The following ELP3 variants were observed in gnomAD, a reference collection of about 807,000 sequenced individuals.
ELP3 encodes elongator acetyltransferase complex subunit 3.
ELP3 carries 56 observed loss-of-function variants against 74.9 expected under a neutral mutation model. The ratio of observed to expected loss-of-function variants is 0.75; its 90% CI spans 0.60 to 0.93. The LOEUF (loss-of-function observed/expected upper bound fraction) is 0.93. ELP3 is among the 40% of genes least tolerant of loss of function. ELP3 has a pLI of 0.00. For missense variants in ELP3, 573 were observed against 686.5 expected, an observed-to-expected ratio of 0.83 and a Z score of 1.85; for synonymous variants, 222 against 239.8, an observed-to-expected ratio of 0.93 and a Z score of 0.68.
At chr8:28,140,977 G>A (rs1401453884) in intron 10 of ELP3, among the ~76,000 whole-genome samples, 9 of 152,076 alleles carry the variant, frequency 5.9e-5, no homozygotes, top group Admixed American at 2.0e-4. Context: ...TTGTGACCAG[G>A]GCCTCACGGG....
chr8:28,180,157 A>G lies in ELP3; in HGVS notation c.1568-9492A>G, dbSNP rs78434160. ...TGGGCTTCCTTGGGCTTCTTTAATC[A>G]GTGAACTGGTTTTTAAAATCAGTTC... is the stretch of plus-strand genomic sequence containing the variant. On this transcript the variant is annotated intron_variant, in intron 14 of 14. Coordinates refer to ENST00000256398, the MANE Select transcript of ELP3 (RefSeq NM_018091.6). 4.3e-4 allele frequency among the ~76,000 whole-genome samples: 66 copies of G among 152,306 alleles called. 2 individuals carry two copies. In the East Asian group the frequency reaches 0.01, roughly 24 times the overall value.
At position 28,131,000 on chromosome 8, in the gene ELP3, A is replaced by G. The variant is rs367899356; in HGVS notation, c.780-1278A>G. On this transcript the variant is annotated intron_variant, in intron 8 of 14. Transcript: ENST00000256398. ...GCATAAAGCTACAATGTGATGGAGC[A>G]TATCTGCAGCTTAGAAAGATCGCTT... Among the ~76,000 whole-genome samples the G allele has an allele frequency of 6.6e-5, 10 of 152,234 alleles. No individual in the cohort carries two copies. The East Asian group carries it at 9.6e-4, about 15-fold the overall frequency.
chr8:28,161,130 A>G (rs1403414823), intron 13 of ELP3, among the ~76,000 whole-genome samples: 2 of 152,268 alleles, frequency 1.3e-5, no homozygotes, highest in African/African-American at 2.4e-5. Context: ...CATATTATAC[A>G]TAGGGGAACC....
chr8:28,182,954 C>T (rs940608241), intron 14 of ELP3, among the ~76,000 whole-genome samples: 1 of 152,272 alleles, frequency 6.6e-6, no homozygotes, highest in East Asian at 1.9e-4. Flanking sequence ...TCTTGGCAGC[C>T]AGCCTTGGAG....
At chr8:28,162,696 C>CT (rs1348751597) in intron 14 of ELP3, among the ~76,000 whole-genome samples, 2 of 152,108 alleles carry the variant, frequency 1.3e-5, no homozygotes, top group Non-Finnish European at 2.9e-5. Context: ...ACAGGAAAGC[C>CT]TTTATAAGGA....
chr8:28,185,754 T>C (rs1815215902), intron 14 of ELP3, among the ~76,000 whole-genome samples: 1 of 152,192 alleles, frequency 6.6e-6, no homozygotes, highest in South Asian at 2.1e-4. Context: ...GCTGGTTTGC[T>C]GATCCTGGAC....
intron 14 of ELP3, among the ~76,000 whole-genome samples, chr8:28,171,950 CAG>C (rs1814547273): frequency 6.6e-6 from 1 of 152,106 alleles, no homozygotes. Flanking sequence ...ACACCCTTGT[CAG>C]AAATCAGTCG....
Position 28,093,187 on chromosome 8 carries a change from C to T in ELP3, c.-28C>T, listed in dbSNP as rs1226282697. The stretch of plus-strand genomic sequence containing the variant: ...TGAGTTTGTGGCTGCATTTTTATCT[C>T]TGGTGGCTCTGCTACGGCGGCGCAG... On this transcript the variant is annotated 5_prime_UTR_variant, in exon 1 of 15. Transcript: ENST00000256398. 3 of 1,611,824 alleles carry T rather than the reference C, an allele frequency of 1.9e-6. No homozygotes were observed. The highest frequency in any genetic ancestry group is 1.1e-5 in the South Asian group (1 of 90,234).
intron 14 of ELP3, among the ~76,000 whole-genome samples, chr8:28,177,702 A>G (rs369517195): frequency 6.6e-6 from 1 of 152,260 alleles, no homozygotes; most frequent in Non-Finnish European, 1.5e-5. Flanking sequence ...AGGGTGGCCT[A>G]TGTCCTAACA....
At chr8:28,174,150 GA>G (rs2130588256) in intron 14 of ELP3, among the ~76,000 whole-genome samples, 1 of 152,032 alleles carries the variant, frequency 6.6e-6, no homozygotes, top group South Asian at 2.1e-4. Flanking sequence ...TTTCCTTATT[GA>G]TCTTTTGTCT....
At chr8:28,138,225 A>G (rs1288777226) in intron 10 of ELP3, among the ~76,000 whole-genome samples, 1 of 152,134 alleles carries the variant, frequency 6.6e-6, no homozygotes, top group East Asian at 1.9e-4. Flanking sequence ...AATGGGTATG[A>G]GCATAAGAAG....
chr8:28,155,260 T>A (rs1432631538), intron 10 of ELP3, among the ~76,000 whole-genome samples: 1 of 152,246 alleles, frequency 6.6e-6, no homozygotes, highest in African/African-American at 2.4e-5. Context: ...TATCTTTAGA[T>A]ACTGATTTTT....
chr8:28,103,301 G>A (rs187455743), intron 3 of ELP3, among the ~76,000 whole-genome samples: 4 of 152,292 alleles, frequency 2.6e-5, no homozygotes, highest in Non-Finnish European at 4.4e-5. Flanking sequence ...TTTCCAGAGT[G>A]TCATGTACAG....
At chr8:28,127,489 C>CT in intron 7 of ELP3, among the ~76,000 whole-genome samples, 3 of 151,942 alleles carry the variant, frequency 2.0e-5, no homozygotes, top group African/African-American at 7.2e-5. Flanking sequence ...TTTTTTGGTA[C>CT]TTTTTTTTCA....
intron 1 of ELP3, chr8:28,093,560 T>G (rs1261267850): frequency 2.5e-6 from 1 of 403,344 alleles, no homozygotes; most frequent in Non-Finnish European, 4.5e-6. Context: ...TGTTAAGATT[T>G]GTTTCACGAC....
intron 14 of ELP3, among the ~76,000 whole-genome samples, chr8:28,181,237 T>A (rs1814999163): frequency 6.6e-6 from 1 of 152,258 alleles, no homozygotes; most frequent in South Asian, 2.1e-4. Context: ...TGAAGTCATC[T>A]GTTCACTAAG....
At chr8:28,150,603 C>G (rs560686586) in intron 10 of ELP3, among the ~76,000 whole-genome samples, 1 of 151,958 alleles carries the variant, frequency 6.6e-6, no homozygotes, top group Non-Finnish European at 1.5e-5. Flanking sequence ...TTTCTCTATA[C>G]GTAAGGTGTT....
At chr8:28,160,697 G>T (rs1814041677) in intron 13 of ELP3, among the ~76,000 whole-genome samples, 1 of 152,128 alleles carries the variant, frequency 6.6e-6, no homozygotes, top group African/African-American at 2.4e-5. Flanking sequence ...TGAACCACAT[G>T]GAATTGGTTT....
chr8:28,139,743 G>A (rs570189977), intron 10 of ELP3, among the ~76,000 whole-genome samples: 5 of 152,224 alleles, frequency 3.3e-5, no homozygotes, highest in South Asian at 2.1e-4. Context: ...TCAGGAGTTC[G>A]AGACCAGCCT....
Sources: gnomAD v4.1 joint callset for allele counts (sites outside exome capture counted in the v4.1 genomes callset) on GRCh38, gnomAD v4.1.1 for gene constraint, MANE v1.5 for transcripts, NCBI Gene and HGNC (gene_info 2026-07-23, HGNC 2026-07-21) for gene names.